Variants in RAP1A observed in about 807,000 individuals in gnomAD.
The protein encoded by RAP1A is ras-related protein Rap-1A.
A neutral mutation model predicts 26.4 loss-of-function variants in RAP1A; 6 were observed. The observed-to-expected ratio is 0.23, with a 90% CI of 0.12 to 0.45. RAP1A has a LOEUF of 0.45. Ranked by LOEUF, RAP1A falls within the 20% of genes least tolerant of loss-of-function variation. The pLI is 0.99. For missense variants in RAP1A, 121 were observed against 217.2 expected (o/e 0.56, Z 2.78); for synonymous variants, 73 against 79.4 (o/e 0.92, Z 0.43).
intron 1 of RAP1A, among the ~76,000 whole-genome samples, chr1:111,669,882 AT>A (rs1660920348): frequency 6.6e-6 from 1 of 152,254 alleles, no homozygotes; most frequent in Non-Finnish European, 1.5e-5. Flanking sequence ...GATGTCAAAA[AT>A]AACCAGAAGG....
At chr1:111,642,663 A>G (rs1212973489) in intron 1 of RAP1A, among the ~76,000 whole-genome samples, 1 of 147,280 alleles carries the variant, frequency 6.8e-6, no homozygotes, top group Admixed American at 6.8e-5. Context: ...AGTTTTTTGT[A>G]TTTTTAGCAG....
chr1:111,651,494 T>TC (rs1660267508), intron 1 of RAP1A, among the ~76,000 whole-genome samples: 2 of 149,692 alleles, frequency 1.3e-5, no homozygotes, highest in East Asian at 3.9e-4. Context: ...TTTTTTTTTT[T>TC]TAGACAGAGT....
intron 1 of RAP1A, among the ~76,000 whole-genome samples, chr1:111,628,208 T>C (rs1022190459): frequency 6.6e-6 from 1 of 152,226 alleles, no homozygotes; most frequent in Non-Finnish European, 1.5e-5. Flanking sequence ...AAATTTGTTT[T>C]TTCTGCCAGT....
chr1:111,659,972 C>A (rs1303187444), intron 1 of RAP1A, among the ~76,000 whole-genome samples: 1 of 152,162 alleles, frequency 6.6e-6, no homozygotes, highest in Non-Finnish European at 1.5e-5. Context: ...TACCTTGTTG[C>A]TGTTATTTTG....
intron 1 of RAP1A, among the ~76,000 whole-genome samples, chr1:111,569,089 A>C (rs1657985201): frequency 6.6e-6 from 1 of 152,118 alleles, no homozygotes; most frequent in South Asian, 2.1e-4. Context: ...GTTAGTAGTT[A>C]AGTTTTGGGA....
chr1:111,569,144 T>C (rs1005264970), intron 1 of RAP1A, among the ~76,000 whole-genome samples: 4 of 152,124 alleles, frequency 2.6e-5, no homozygotes, highest in African/African-American at 9.7e-5. Context: ...GGCTCACGCC[T>C]GTAATCCCAG....
chr1:111,682,537 G>A (rs908601565), intron 1 of RAP1A, among the ~76,000 whole-genome samples: 21 of 148,444 alleles, frequency 1.4e-4, no homozygotes, highest in Non-Finnish European at 2.2e-4. Context: ...TGCAATCCTA[G>A]TCTCTGATAA....
At chr1:111,693,093 T>C (rs1396939588) in intron 2 of RAP1A, among the ~76,000 whole-genome samples, 1 of 152,072 alleles carries the variant, frequency 6.6e-6, no homozygotes, top group Admixed American at 6.5e-5. Context: ...AGAAAGTAGA[T>C]AGGATTGGAG....
At chr1:111,639,675 G>T (rs1659837410) in intron 1 of RAP1A, among the ~76,000 whole-genome samples, 2 of 151,858 alleles carry the variant, frequency 1.3e-5, no homozygotes, top group African/African-American at 4.8e-5. Flanking sequence ...TGAGAGTACT[G>T]CACTCACCGC....
chr1:111,648,514 G>T (rs1053864298), intron 1 of RAP1A: 16 of 556,578 alleles, frequency 2.9e-5, no homozygotes, highest in Non-Finnish European at 4.7e-5. Flanking sequence ...GCCTGGCGTT[G>T]CCCCTCTGCC....
intron 1 of RAP1A, among the ~76,000 whole-genome samples, chr1:111,664,979 A>G (rs990301588): frequency 6.6e-6 from 1 of 152,264 alleles, no homozygotes; most frequent in Non-Finnish European, 1.5e-5. Context: ...CATAGGTTTG[A>G]ATACAGCTTC....
chr1:111,639,422 A>G (rs1423222388), intron 1 of RAP1A, among the ~76,000 whole-genome samples: 1 of 134,030 alleles, frequency 7.5e-6, no homozygotes, highest in Non-Finnish European at 1.7e-5. Flanking sequence ...TTTGCTTTTT[A>G]AAGTAGAAAT....
chr1:111,554,629 C>T (rs192925129), intron 1 of RAP1A, among the ~76,000 whole-genome samples: 2 of 152,154 alleles, frequency 1.3e-5, no homozygotes, highest in African/African-American at 4.8e-5. Flanking sequence ...ACACATATAC[C>T]CCTCAAAGGA....
At chr1:111,642,920 C>T (rs1324293509) in intron 1 of RAP1A, among the ~76,000 whole-genome samples, 4 of 151,758 alleles carry the variant, frequency 2.6e-5, no homozygotes, top group African/African-American at 9.7e-5. Flanking sequence ...CAGGTGTGCG[C>T]CACCACACCC....
intron 1 of RAP1A, among the ~76,000 whole-genome samples, chr1:111,677,410 A>G (rs1055194055): frequency 5.3e-5 from 8 of 152,200 alleles, no homozygotes; most frequent in Admixed American, 4.6e-4. Context: ...TCTGTAACCA[A>G]TTGACCCAAA....
chr1:111,558,230 T>C (rs1297127829), intron 1 of RAP1A, among the ~76,000 whole-genome samples: 1 of 152,160 alleles, frequency 6.6e-6, no homozygotes, highest in Non-Finnish European at 1.5e-5. Flanking sequence ...CAGGCTGGAG[T>C]GCAGTGGCGC....
rs149961847 is a variant in RAP1A, at chr1:111,688,299, G to GTGTGTGTGTGTATGTGTA, written c.-27-3034_-27-3033insGTGTGTGTGTATGTGTAT. On this transcript the variant is annotated intron_variant, in intron 1 of 7. Coordinates refer to ENST00000369709, the MANE Select transcript of RAP1A (RefSeq NM_002884.4). ...TGTGTGTGTGTGTGTGTGTGTGTGT[G>GTGTGTGTGTGTATGTGTA]TATATATATTTTTTTCTTTCTTTCT... 3.8e-4 allele frequency among the ~76,000 whole-genome samples: 54 copies of GTGTGTGTGTGTATGTGTA among 140,706 alleles called. No homozygotes were observed. In the East Asian group the frequency reaches 9.2e-3, roughly 24 times the overall value. 92.3% of individuals were successfully genotyped at this position (140,706 alleles called of 152,430 possible). A position where few individuals can be genotyped will look rare whatever the true frequency, so the allele number is the denominator to read the frequency against.
intron 1 of RAP1A, among the ~76,000 whole-genome samples, 189 bp downstream of exon 1, chr1:111,620,123 C>T (rs1051682417): frequency 6.6e-6 from 1 of 152,046 alleles, no homozygotes; most frequent in Non-Finnish European, 1.5e-5. Context: ...ATCTGGGAGG[C>T]CCGGCCGCCG....
intron 1 of RAP1A, among the ~76,000 whole-genome samples, chr1:111,663,334 ATAAAGT>A (rs1485220310): frequency 6.6e-6 from 1 of 152,230 alleles, no homozygotes; most frequent in Non-Finnish European, 1.5e-5. Context: ...AAGGAATACA[ATAAAGT>A]TAAGAATCAA....
Sources: allele counts gnomAD v4.1 joint callset (sites outside exome capture counted in the v4.1 genomes callset), GRCh38; gene constraint gnomAD v4.1.1; transcripts MANE v1.5; gene names NCBI Gene and HGNC (gene_info 2026-07-23, HGNC 2026-07-21).